The following LCORL variants were observed in gnomAD, a reference collection of about 807,000 sequenced individuals.
LCORL encodes ligand-dependent nuclear receptor corepressor-like protein.
LCORL carries 41 observed loss-of-function variants against 141.8 expected under a neutral mutation model. The ratio of observed to expected loss-of-function variants is 0.29; its 90% CI spans 0.23 to 0.38. The LOEUF (loss-of-function observed/expected upper bound fraction) is 0.38. Ranked by LOEUF, LCORL falls within the 10% of genes least tolerant of loss-of-function variation. The pLI is 1.00. For synonymous variants in LCORL, 618 were observed against 694.1 expected (o/e 0.89, Z 1.72); for missense variants, 1,759 against 2,035.0 (o/e 0.86, Z 2.61).
intron 4 of LCORL, 138 bp downstream of exon 4, chr4:17,961,764 AT>A (rs1713832899): frequency 8.2e-6 from 5 of 608,922 alleles, no homozygotes; most frequent in Non-Finnish European, 1.3e-5. Flanking sequence ...GTCCCTAAAA[AT>A]ATAAAGAAAA....
intron 7 of LCORL, among the ~76,000 whole-genome samples, chr4:17,863,807 T>C (rs865978094): frequency 2.5e-4 from 38 of 152,318 alleles, no homozygotes; most frequent in African/African-American, 4.3e-4. Context: ...CGGAATACTA[T>C]GCAGCCATAA....
chr4:17,922,114 G>C (rs992248780), intron 4 of LCORL, among the ~76,000 whole-genome samples: 1 of 152,126 alleles, frequency 6.6e-6, no homozygotes, highest in African/African-American at 2.4e-5. Flanking sequence ...GATTGTGTGA[G>C]TCAATACTCT....
exon 7 of LCORL, chr4:17,874,380 C>T: frequency 8.1e-7 from 1 of 1,233,834 alleles, no homozygotes; most frequent in Non-Finnish European, 1.0e-6. Context: ...TAATTTGATT[C>T]CCCTGGTATT....
chr4:17,871,559 T>C (rs906081525), intron 7 of LCORL, among the ~76,000 whole-genome samples: 30 of 152,106 alleles, frequency 2.0e-4, no homozygotes, highest in African/African-American at 7.0e-4. Context: ...AAGGACAAAA[T>C]ACGGTTCTGT....
intron 6 of LCORL, chr4:17,883,750 G>T: frequency 6.5e-7 from 1 of 1,542,014 alleles, no homozygotes; most frequent in Non-Finnish European, 8.7e-7. Flanking sequence ...TTTTGCAGCT[G>T]CCAGTCCCTG....
chr4:17,951,374 T>A (rs189720603), intron 4 of LCORL, among the ~76,000 whole-genome samples: 14 of 152,308 alleles, frequency 9.2e-5, no homozygotes, highest in Non-Finnish European at 1.8e-4. Context: ...AGATTGTTCT[T>A]TAGAGAAAAA....
At chr4:17,893,061 AG>A (rs1729356045) in intron 5 of LCORL, among the ~76,000 whole-genome samples, 1 of 152,216 alleles carries the variant, frequency 6.6e-6, no homozygotes, top group Non-Finnish European at 1.5e-5. Flanking sequence ...TTTACATAAA[AG>A]TACAATCTAA....
At chr4:17,912,169 C>A in intron 4 of LCORL, 2 of 1,017,920 alleles carry the variant, frequency 2.0e-6, no homozygotes, top group Non-Finnish European at 1.5e-6. Flanking sequence ...CGACAATGCC[C>A]GTCTTGCTGC....
intron 7 of LCORL, among the ~76,000 whole-genome samples, chr4:17,851,784 C>T (rs936580836): frequency 6.6e-6 from 1 of 152,092 alleles, no homozygotes; most frequent in African/African-American, 2.4e-5. Context: ...TACAGTCTAA[C>T]CAACAATGTG....
chr4:17,898,204 C>T (rs955326971), intron 5 of LCORL, among the ~76,000 whole-genome samples: 2 of 151,788 alleles, frequency 1.3e-5, no homozygotes, highest in Non-Finnish European at 2.9e-5. Context: ...TTTTTTTGCC[C>T]TTGGAATATA....
intron 4 of LCORL, among the ~76,000 whole-genome samples, chr4:17,914,039 A>G (rs1732989688): frequency 6.6e-6 from 1 of 152,254 alleles, no homozygotes; most frequent in African/African-American, 2.4e-5. Flanking sequence ...TATAAAAGAC[A>G]TACTTTATAA....
At chr4:17,911,945 C>G (rs1732621124) in intron 4 of LCORL, 1 of 579,636 alleles carries the variant, frequency 1.7e-6, no homozygotes, top group Non-Finnish European at 3.3e-6. Flanking sequence ...AATGGCCAGA[C>G]CATGCAAAGC....
intron 7 of LCORL, among the ~76,000 whole-genome samples, chr4:17,855,321 TAA>T (rs1035741056): frequency 6.6e-6 from 1 of 152,074 alleles, no homozygotes; most frequent in African/African-American, 2.4e-5. Context: ...ATAAAAAGAA[TAA>T]AAATAGGAAA....
chr4:17,973,936 T>C (rs114125360), intron 1 of LCORL, among the ~76,000 whole-genome samples: 1 of 151,974 alleles, frequency 6.6e-6, no homozygotes, highest in Admixed American at 6.6e-5. Context: ...CAAAGTAAGG[T>C]AGCTATCATG....
intron 4 of LCORL, among the ~76,000 whole-genome samples, chr4:17,909,736 C>T (rs369220512): frequency 8.6e-5 from 13 of 152,036 alleles, no homozygotes; most frequent in Admixed American, 2.6e-4. Flanking sequence ...TCCTAATATA[C>T]AATGTGCATG....
At chr4:17,920,136 G>C (rs1577420967) in intron 4 of LCORL, among the ~76,000 whole-genome samples, 1 of 152,118 alleles carries the variant, frequency 6.6e-6, no homozygotes, top group African/African-American at 2.4e-5. Context: ...CCAAAGAGGG[G>C]GTCATGGAAC....
At chr4:17,873,561 C>T (rs1019576382) in exon 7 of LCORL, 2 of 1,233,510 alleles carry the variant, frequency 1.6e-6, no homozygotes, top group Non-Finnish European at 2.0e-6. Flanking sequence ...GCTTAATTTA[C>T]TATTGCCAAG....
At chr4:17,924,311 C>A (rs577032062) in intron 4 of LCORL, among the ~76,000 whole-genome samples, 31 of 152,170 alleles carry the variant, frequency 2.0e-4, no homozygotes, top group Non-Finnish European at 3.7e-4. Context: ...CCCATGTCAT[C>A]GCCCAATGGG....
intron 1 of LCORL, among the ~76,000 whole-genome samples, chr4:17,984,044 AG>A (rs749635393): frequency 7.2e-5 from 11 of 152,008 alleles, no homozygotes; most frequent in Non-Finnish European, 1.3e-4. Flanking sequence ...TTTTGTCCTT[AG>A]TTCTGTTTAT....
Sources: allele counts gnomAD v4.1 joint callset (sites outside exome capture counted in the v4.1 genomes callset), GRCh38; gene constraint gnomAD v4.1.1; transcripts MANE v1.5; gene names NCBI Gene and HGNC (gene_info 2026-07-23, HGNC 2026-07-21).